GLRA2: variants seen among roughly 807,000 people sequenced by gnomAD.
GLRA2 encodes the protein glycine receptor subunit alpha-2.
Under a neutral mutation model 31.6 loss-of-function variants are expected in GLRA2, and 11 were observed. The observed-to-expected ratio is 0.35, with a 90% CI of 0.22 to 0.58. GLRA2 has a LOEUF of 0.58. GLRA2 is among the 20% of genes least tolerant of loss of function. GLRA2 has a pLI of 0.84. For missense variants in GLRA2, 212 were observed against 351.8 expected (o/e 0.60, Z 3.18); for synonymous variants, 132 against 134.0 (o/e 0.99, Z 0.10).
upstream of GLRA2, among the ~76,000 whole-genome samples, chrX:14,526,863 A>G (rs761487529): frequency 6.4e-4 from 72 of 111,766 alleles, no homozygotes; most frequent in Non-Finnish European, 9.4e-4. Context: ...TACTGCAAGA[A>G]GAGGAGACAG....
the GLRA2 span, among the ~76,000 whole-genome samples, chrX:14,516,741 C>T: frequency 9.0e-6 from 1 of 111,703 alleles, no homozygotes; most frequent in South Asian, 3.7e-4. Flanking sequence ...GATGTACCTT[C>T]TTGTACCCAG....
At chrX:14,545,193 G>A (rs2089461965) in intron 2 of GLRA2, among the ~76,000 whole-genome samples, 1 of 111,963 alleles carries the variant, frequency 8.9e-6, no homozygotes, top group Non-Finnish European at 1.9e-5. Context: ...CATAGACTGG[G>A]TAATTTTGAA....
chrX:14,604,898 T>A (rs781481596), intron 5 of GLRA2, among the ~76,000 whole-genome samples: 4 of 110,151 alleles, frequency 3.6e-5, no homozygotes, highest in Non-Finnish European at 7.6e-5. Flanking sequence ...GAGGAGGATG[T>A]AAGAATGAGG....
chrX:14,574,193 G>T, intron 2 of GLRA2, 140 bp from the exon 3 acceptor site: 1 of 468,706 alleles, frequency 2.1e-6, no homozygotes, highest in Non-Finnish European at 3.8e-6. Flanking sequence ...TTATCATTAT[G>T]CACCTCAGGG....
chrX:14,559,812 G>C (rs769402219), intron 2 of GLRA2, among the ~76,000 whole-genome samples: 3 of 110,684 alleles, frequency 2.7e-5, no homozygotes, highest in Non-Finnish European at 5.7e-5. Context: ...AGCAACCTCC[G>C]CCTCGATTGT....
intron 2 of GLRA2, among the ~76,000 whole-genome samples, chrX:14,560,483 T>C (rs1000892431): frequency 3.0e-4 from 34 of 111,759 alleles, no homozygotes; most frequent in African/African-American, 1.1e-3. Flanking sequence ...CCAATGTTTA[T>C]TTTTAAATAG....
chrX:14,632,951 T>C (rs2090667690), intron 7 of GLRA2, among the ~76,000 whole-genome samples: 1 of 111,645 alleles, frequency 9.0e-6, no homozygotes, highest in Admixed American at 9.5e-5. Context: ...AAGGACCACA[T>C]AGTAAATATT....
intron 8 of GLRA2, among the ~76,000 whole-genome samples, chrX:14,712,239 C>G (rs1474009849): frequency 8.9e-6 from 1 of 112,316 alleles, no homozygotes; most frequent in Non-Finnish European, 1.9e-5. Flanking sequence ...TGGGGGCTGT[C>G]TTGTGCATTG....
At chrX:14,493,556 T>G in the GLRA2 span, among the ~76,000 whole-genome samples, 1 of 104,853 alleles carries the variant, frequency 9.5e-6, no homozygotes, top group East Asian at 3.0e-4. Flanking sequence ...TATATACATA[T>G]ATACACATAT....
At chrX:14,622,406 C>T (rs1307816286) in intron 7 of GLRA2, among the ~76,000 whole-genome samples, 9 of 111,782 alleles carry the variant, frequency 8.1e-5, no homozygotes, top group African/African-American at 2.9e-4. Flanking sequence ...GTTGCCATTG[C>T]TTTTGGTGTT....
intron 7 of GLRA2, among the ~76,000 whole-genome samples, chrX:14,654,983 C>T (rs1435385888): frequency 9.0e-6 from 1 of 111,030 alleles, no homozygotes; most frequent in Non-Finnish European, 1.9e-5. Flanking sequence ...GAAACTGCCC[C>T]CATGATTCAA....
At chrX:14,533,703 G>C (rs1026177230) in intron 2 of GLRA2, among the ~76,000 whole-genome samples, 2 of 111,087 alleles carry the variant, frequency 1.8e-5, no homozygotes, top group Admixed American at 1.9e-4. Context: ...TGGACTATCT[G>C]CAAAATACTA....
intron 4 of GLRA2, among the ~76,000 whole-genome samples, chrX:14,587,047 C>T (rs1018285005): frequency 1.8e-5 from 2 of 111,881 alleles, no homozygotes; most frequent in African/African-American, 6.5e-5. Flanking sequence ...TCATTTCCTA[C>T]CCCCACATTA....
At chrX:14,649,169 G>A (rs1379028033) in intron 7 of GLRA2, among the ~76,000 whole-genome samples, 4 of 109,466 alleles carry the variant, frequency 3.7e-5, no homozygotes, top group Admixed American at 9.7e-5. Context: ...AGCCGAGATC[G>A]CGCCACTGCA....
intron 8 of GLRA2, among the ~76,000 whole-genome samples, chrX:14,717,778 G>A (rs908140390): frequency 9.3e-6 from 1 of 108,067 alleles, no homozygotes; most frequent in Non-Finnish European, 1.9e-5. Flanking sequence ...AATAAACAAG[G>A]ATTTATCAAG....
intron 1 of GLRA2, chrX:14,531,287 T>C (rs1164904979): frequency 5.8e-6 from 2 of 344,539 alleles, no homozygotes; most frequent in African/African-American, 5.4e-5. Context: ...AAGAATGTGG[T>C]ATTTTCTTAG....
chrX:14,532,244 C>G lies in GLRA2; in HGVS notation c.74C>G (p.Ala25Gly). 8.5e-7 allele frequency: 1 copy of G among 1,173,578 alleles called. No homozygotes were observed. The highest frequency in any genetic ancestry group is 2.0e-5 in the South Asian group (1 of 50,487). Residue 25 changes from alanine to glycine, a missense_variant, in exon 2 of 9, where the codon GCT becomes GGT. Physicochemically the swap from Ala to Gly is moderately conservative, Grantham distance 60. Coordinates refer to ENST00000218075, the MANE Select transcript of GLRA2 (RefSeq NM_002063.4). ...FFLETNHFRT[A>G]FCKDHDSRSG... is the part of the protein sequence containing the mutation. ...AGAGTTAATGATGTGTTTAGGACGG[C>G]TTTCTGCAAAGACCATGACTCCAGG...
chrX:14,504,086 G>A, the GLRA2 span, among the ~76,000 whole-genome samples: 3 of 111,632 alleles, frequency 2.7e-5, no homozygotes, highest in Non-Finnish European at 5.6e-5. Context: ...TAAGAAATAT[G>A]CTAATTAATA....
At chrX:14,485,467 CT>C in the GLRA2 span, among the ~76,000 whole-genome samples, 1 of 111,403 alleles carries the variant, frequency 9.0e-6, no homozygotes, top group Non-Finnish European at 1.9e-5. Context: ...ATGTGTCACT[CT>C]TTTTTCACTG....
Sources: gnomAD v4.1 joint callset for allele counts (sites outside exome capture counted in the v4.1 genomes callset) on GRCh38, gnomAD v4.1.1 for gene constraint, MANE v1.5 for transcripts, NCBI Gene and HGNC (gene_info 2026-07-23, HGNC 2026-07-21) for gene names.